ARHGAP26: variants seen among roughly 807,000 people sequenced by gnomAD.
ARHGAP26 encodes Rho GTPase activating protein 26.
ARHGAP26 carries 38 observed loss-of-function variants against 104.8 expected under a neutral mutation model. The ratio of observed to expected loss-of-function variants is 0.36; its 90% CI spans 0.28 to 0.48. ARHGAP26 has a LOEUF of 0.48. Among genes scored for constraint, ARHGAP26 ranks in the 20% least tolerant of loss-of-function variants. The pLI, the probability that ARHGAP26 is intolerant of heterozygous loss-of-function variation, is 0.99. For missense variants in ARHGAP26, 704 were observed against 947.9 expected (o/e 0.74, Z 3.38); for synonymous variants, 341 against 340.0 (o/e 1.00, Z -0.03).
chr5:143,110,344 TA>T (rs1472258767), intron 17 of ARHGAP26, among the ~76,000 whole-genome samples: 1 of 152,226 alleles, frequency 6.6e-6, no homozygotes, highest in Non-Finnish European at 1.5e-5. Flanking sequence ...CAAGGGGTGC[TA>T]AAAAATAGTT....
Position 143,228,698 on chromosome 5 carries a change from TTTC to T in ARHGAP26, c.*6255_*6257del, listed in dbSNP as rs1434123148. The T allele has an allele frequency of 4.8e-6, 1 of 206,462 alleles. No individual in the cohort carries two copies. 12.8% of individuals were successfully genotyped at this position (206,462 alleles called of 1,614,324 possible). A position where few individuals can be genotyped will look rare whatever the true frequency, so the allele number is the denominator to read the frequency against. ...TACTTATTAAATGGCACTTTAATGT[TTTC>T]TTTTAAAATAACGCACTGTTCTAAA... On this transcript the variant is annotated 3_prime_UTR_variant, in exon 23 of 23. Transcript: ENST00000645722.
At chr5:142,809,607 A>G (rs1763682411) in intron 1 of ARHGAP26, among the ~76,000 whole-genome samples, 1 of 152,246 alleles carries the variant, frequency 6.6e-6, no homozygotes, top group Non-Finnish European at 1.5e-5. Flanking sequence ...AGAGAAAAAT[A>G]GTCCTCCTTT....
chr5:142,821,200 C>T (rs10477198), intron 1 of ARHGAP26, among the ~76,000 whole-genome samples: 6,140 of 151,768 alleles, frequency 0.04, 419 homozygotes, highest in African/African-American at 0.14. Flanking sequence ...GGGTGAATTA[C>T]TCACACATGG....
At chr5:142,934,841 A>T (rs1354300785) in intron 11 of ARHGAP26, among the ~76,000 whole-genome samples, 5 of 150,384 alleles carry the variant, frequency 3.3e-5, no homozygotes, top group African/African-American at 9.8e-5. Context: ...ATACCTTAGG[A>T]TGGTTGGTTG....
intron 1 of ARHGAP26, 74 bp from the exon 2 acceptor site, chr5:142,873,308 AAGATATTCCTAGAAGGAC>A: frequency 1.1e-6 from 1 of 876,224 alleles, no homozygotes; most frequent in Non-Finnish European, 1.8e-6. Flanking sequence ...TCCGCCTCCT[AAGATATTCCTAGAAGGAC>A]CAATAAGGGC....
At chr5:143,002,319 A>G (rs1270792081) in intron 11 of ARHGAP26, among the ~76,000 whole-genome samples, 1 of 151,816 alleles carries the variant, frequency 6.6e-6, no homozygotes, top group Non-Finnish European at 1.5e-5. Flanking sequence ...TCTAAAGCAC[A>G]AAAGAGCAAG....
chr5:142,953,933 T>C (rs958337002), intron 11 of ARHGAP26, among the ~76,000 whole-genome samples: 2 of 152,334 alleles, frequency 1.3e-5, no homozygotes, highest in Non-Finnish European at 1.5e-5. Flanking sequence ...AGAACCACAC[T>C]CTTCAGACTT....
chr5:142,829,126 G>C (rs1767889714), intron 1 of ARHGAP26, among the ~76,000 whole-genome samples: 1 of 152,222 alleles, frequency 6.6e-6, no homozygotes, highest in Non-Finnish European at 1.5e-5. Flanking sequence ...AGGAGAGGAG[G>C]CTTTGAGATT....
At chr5:143,116,857 A>G (rs1334935513) in intron 17 of ARHGAP26, among the ~76,000 whole-genome samples, 1 of 152,130 alleles carries the variant, frequency 6.6e-6, no homozygotes, top group Non-Finnish European at 1.5e-5. Context: ...TGGGGTACCT[A>G]TACCTCCCTA....
rs972731402 is a variant in ARHGAP26 at position 143,092,622 on chromosome 5, ACTGT to A, written c.1539-28363_1539-28360del. Among the ~76,000 whole-genome samples the A allele has an allele frequency of 7.9e-5, 12 of 151,940 alleles. No homozygotes were observed. In the East Asian group the frequency reaches 1.2e-3, roughly 15 times the overall value. ...AACTTCCTTCACGTAGGTGGACTAG[ACTGT>A]CTAAGGCCACAAGATTAGAAGTTAG... is the stretch of plus-strand genomic sequence containing the variant. On this transcript the variant is annotated intron_variant, in intron 17 of 22. Coordinates refer to ENST00000645722, the MANE Select transcript of ARHGAP26 (RefSeq NM_001135608.3).
chr5:143,090,253 T>C (rs546124813), intron 17 of ARHGAP26, among the ~76,000 whole-genome samples: 183 of 152,376 alleles, frequency 1.2e-3, no homozygotes, highest in African/African-American at 3.8e-3. Flanking sequence ...ATGCAGCCCA[T>C]GCCCGGTTGA....
In ARHGAP26 at chr5:142,963,192, A is replaced by ATGTGTGTGTGTG. The variant is rs1226879690; in HGVS notation, c.1107+31068_1107+31069insGTGTGTGTGTGT. On this transcript the variant is annotated intron_variant, in intron 11 of 22. Transcript: ENST00000645722. ...TATATGTATATATATATATATATAT[A>ATGTGTGTGTGTG]TATATATGTGTGTGTGTGTGTGTGT... Among the ~76,000 whole-genome samples, 17 of 104,382 alleles carry ATGTGTGTGTGTG rather than the reference A, an allele frequency of 1.6e-4. No individual in the cohort carries two copies. In the East Asian group the frequency reaches 2.3e-3, roughly 14 times the overall value. 68.5% of individuals were successfully genotyped at this position (104,382 alleles called of 152,430 possible). A position where few individuals can be genotyped will look rare whatever the true frequency, so the allele number is the denominator to read the frequency against.
rs1440476218 is a variant in ARHGAP26 at position 142,903,571 on chromosome 5, A to T, written c.734A>T (p.Glu245Val). The stretch of plus-strand genomic sequence containing the variant: ...AATCGCTTTGAAGGCACTAGATCAG[A>T]AGTGGAATCACTGATGAAAAAGATG... ...TRNRFEGTRS[E>V]VESLMKKMKE... Residue 245 changes from glutamate to valine, a missense_variant, in exon 8 of 23, where the codon GAA becomes GTA. By Grantham distance (121) the Glu-to-Val change is moderately radical. Transcript: ENST00000645722. 1 of 1,614,048 alleles carries T rather than the reference A, an allele frequency of 6.2e-7. No individual in the cohort carries two copies. Among genetic ancestry groups the T allele is most frequent in the Non-Finnish European group, 8.5e-7 (1 of 1,179,926 alleles).
intron 12 of ARHGAP26, among the ~76,000 whole-genome samples, chr5:143,015,630 G>A (rs1298759330): frequency 6.6e-6 from 1 of 152,174 alleles, no homozygotes; most frequent in African/African-American, 2.4e-5. Context: ...GGACCAGAGG[G>A]GATGGATGCC....
chr5:142,796,662 C>T (rs750733160), intron 1 of ARHGAP26, among the ~76,000 whole-genome samples: 11 of 152,244 alleles, frequency 7.2e-5, no homozygotes, highest in Non-Finnish European at 1.6e-4. Flanking sequence ...CTTGATAGGG[C>T]TTTCTGAGCC....
chr5:142,860,195 A>T (rs1753085362), intron 1 of ARHGAP26: 1 of 152,214 alleles, frequency 6.6e-6, no homozygotes. Context: ...TAAAATTATT[A>T]AAAATTTCAA....
chr5:143,095,508 CTTTA>C (rs1359291162), intron 17 of ARHGAP26, among the ~76,000 whole-genome samples: 14 of 152,246 alleles, frequency 9.2e-5, no homozygotes, highest in African/African-American at 2.9e-4. Flanking sequence ...AATTTTAAAG[CTTTA>C]TTTATGAATT....
At chr5:143,108,135 G>A (rs2150688293) in intron 17 of ARHGAP26, among the ~76,000 whole-genome samples, 1 of 152,350 alleles carries the variant, frequency 6.6e-6, no homozygotes, top group South Asian at 2.1e-4. Flanking sequence ...GTGCAGCAAG[G>A]AGCTAGGAGG....
At chr5:143,222,328 C>T in intron 22 of ARHGAP26, 30 bp from the exon 23 acceptor site, 1 of 1,510,952 alleles carries the variant, frequency 6.6e-7, no homozygotes, top group African/African-American at 1.4e-5. Flanking sequence ...AATGCCATCT[C>T]TTCTCGCTTT....
Sources: gnomAD v4.1 joint callset for allele counts (sites outside exome capture counted in the v4.1 genomes callset) on GRCh38, gnomAD v4.1.1 for gene constraint, MANE v1.5 for transcripts, NCBI Gene and HGNC (gene_info 2026-07-23, HGNC 2026-07-21) for gene names.